CTDSPL: variants seen among roughly 807,000 people sequenced by gnomAD.
The protein encoded by CTDSPL is CTD small phosphatase-like protein.
In CTDSPL, 8 loss-of-function variants were observed where a neutral mutation model predicts 30.5. That is an observed-to-expected ratio of 0.26 (90% CI 0.15 to 0.47). CTDSPL has a LOEUF of 0.47. CTDSPL is among the 20% of genes least tolerant of loss of function. The pLI is 0.99. For synonymous variants in CTDSPL, 110 were observed against 137.9 expected (o/e 0.80, Z 1.42); for missense variants, 248 against 366.1 (o/e 0.68, Z 2.63).
At chr3:37,894,620 T>C (rs1698370809) in intron 1 of CTDSPL, among the ~76,000 whole-genome samples, 1 of 152,226 alleles carries the variant, frequency 6.6e-6, no homozygotes, top group Non-Finnish European at 1.5e-5. Flanking sequence ...TTAAAGACTT[T>C]GCAGCCATTA....
At chr3:37,922,023 G>A (rs1020116458) in intron 1 of CTDSPL, among the ~76,000 whole-genome samples, 4 of 152,152 alleles carry the variant, frequency 2.6e-5, no homozygotes, top group Non-Finnish European at 5.9e-5. Context: ...CACGAGGTCA[G>A]GAGTTCGAGA....
At chr3:37,877,124 T>C (rs896536088) in intron 1 of CTDSPL, among the ~76,000 whole-genome samples, 1 of 149,484 alleles carries the variant, frequency 6.7e-6, no homozygotes, top group Admixed American at 6.7e-5. Context: ...AAAAAAAAAA[T>C]TGATCGTCTT....
In CTDSPL at chr3:37,943,111, G is replaced by C. The variant is rs778630278; in HGVS notation, c.80-3946G>C. On this transcript the variant is annotated intron_variant, in intron 1 of 7. Coordinates refer to ENST00000273179, the MANE Select transcript of CTDSPL (RefSeq NM_001008392.2). ...AGGATATTGGTACCCTGAGTGAAGA[G>C]GGGAGTGGTGAGCCCCATTTAGATA... is the stretch of plus-strand genomic sequence containing the variant. Among the ~76,000 whole-genome samples, 8 of 150,372 alleles carry C rather than the reference G, an allele frequency of 5.3e-5. 1 individual carries two copies. Among genetic ancestry groups the C allele is most frequent in the Non-Finnish European group, 1.2e-4 (8 of 67,054 alleles).
At chr3:37,953,321 A>AG (rs2125625434) in intron 2 of CTDSPL, among the ~76,000 whole-genome samples, 1 of 152,358 alleles carries the variant, frequency 6.6e-6, no homozygotes, top group South Asian at 2.1e-4. Context: ...AGCAGAACAA[A>AG]GGAAATGTGA....
At chr3:37,960,529 TATATATACACAC>T (rs1262311178) in intron 3 of CTDSPL, among the ~76,000 whole-genome samples, 114 of 59,728 alleles carry the variant, frequency 1.9e-3, no homozygotes, top group African/African-American at 3.7e-3. Flanking sequence ...TATATATATA[TATATATACACAC>T]ACACACACAC....
At position 37,936,926 on chromosome 3, in the gene CTDSPL, C is replaced by A. The variant is rs1035551480; in HGVS notation, c.80-10131C>A. ...GCGATGGATTACCTTCTTAGTTCTG[C>A]TCTTGTGATGAGAAAGAAGCTAGTT... is the stretch of plus-strand genomic sequence containing the variant. On this transcript the variant is annotated intron_variant, in intron 1 of 7. Coordinates refer to ENST00000273179, the MANE Select transcript of CTDSPL (RefSeq NM_001008392.2). Among the ~76,000 whole-genome samples, 9 of 151,096 alleles carry A rather than the reference C, an allele frequency of 6.0e-5. No homozygotes were observed. The South Asian group carries it at 1.7e-3, about 28-fold the overall frequency.
chr3:37,973,823 A>C (rs563846200), intron 6 of CTDSPL, among the ~76,000 whole-genome samples: 16 of 152,368 alleles, frequency 1.1e-4, no homozygotes, highest in African/African-American at 3.8e-4. Flanking sequence ...CCCCTTGTGA[A>C]GCTTACATTC....
chr3:37,927,636 ATGTGTGTGTGTGTGTG>A (rs71094932), intron 1 of CTDSPL, among the ~76,000 whole-genome samples: 4 of 115,782 alleles, frequency 3.5e-5, no homozygotes, highest in South Asian at 2.8e-4. Context: ...AGAAAAATAT[ATGTGTGTGTGTGTGTG>A]TGTGTGTGTG....
intron 1 of CTDSPL, among the ~76,000 whole-genome samples, chr3:37,936,950 T>TA: frequency 7.5e-6 from 1 of 133,434 alleles, no homozygotes; most frequent in Non-Finnish European, 1.8e-5. Flanking sequence ...AAGAAGCTAG[T>TA]TTGAGGGCAG....
intron 1 of CTDSPL, among the ~76,000 whole-genome samples, chr3:37,892,468 A>G (rs1019987251): frequency 2.0e-5 from 3 of 152,218 alleles, no homozygotes; most frequent in African/African-American, 7.2e-5. Context: ...CTGTAAAGGC[A>G]TCATCACCAT....
intron 5 of CTDSPL, chr3:37,968,222 A>G (rs762014175): frequency 4.8e-5 from 22 of 462,150 alleles, no homozygotes; most frequent in Non-Finnish European, 6.8e-5. Flanking sequence ...CTAGCAGGCA[A>G]CAGGAAAATG....
chr3:37,961,645 C>T (rs1699246332), intron 3 of CTDSPL, among the ~76,000 whole-genome samples: 1 of 152,160 alleles, frequency 6.6e-6, no homozygotes, highest in African/African-American at 2.4e-5. Flanking sequence ...TTATGAAGAA[C>T]ATACAAGCAG....
intron 3 of CTDSPL, among the ~76,000 whole-genome samples, chr3:37,960,480 CAAAAAAAAAAA>C (rs1208033395): frequency 7.5e-3 from 37 of 4,910 alleles, no homozygotes; most frequent in South Asian, 0.011. Flanking sequence ...AACTCTGTCT[CAAAAAAAAAAA>C]AAAAAAAAAA....
rs1697955314 is a variant in CTDSPL, at chr3:37,862,530, TTGTG to T, written c.79+255_79+258del. Among the ~76,000 whole-genome samples, 1 of 151,902 alleles carries T rather than the reference TTGTG, an allele frequency of 6.6e-6. No individual in the cohort carries two copies. The highest frequency in any genetic ancestry group is 1.5e-5 in the Non-Finnish European group (1 of 67,956). ...TGCATCTAACCGGGAGGTTGTGAGT[TTGTG>T]TGCGCGCACGCCCGCAGAGAAGTTG... On this transcript the variant is annotated intron_variant, in intron 1 of 7. Coordinates refer to ENST00000273179, the MANE Select transcript of CTDSPL (RefSeq NM_001008392.2). The surrounding 1 kb of genome is among the most constrained non-coding windows in gnomAD (Gnocchi z 4.3).
chr3:37,876,699 T>C (rs1698138405), intron 1 of CTDSPL, among the ~76,000 whole-genome samples: 1 of 152,230 alleles, frequency 6.6e-6, no homozygotes, highest in Non-Finnish European at 1.5e-5. Flanking sequence ...TGTAATTCTG[T>C]TTACAAGTAC....
At chr3:37,890,968 G>A (rs905688121) in intron 1 of CTDSPL, among the ~76,000 whole-genome samples, 1 of 152,166 alleles carries the variant, frequency 6.6e-6, no homozygotes, top group Non-Finnish European at 1.5e-5. Context: ...GCGGAATATG[G>A]CATCAAATGA....
At chr3:37,976,915 T>C (rs1341950059) in intron 7 of CTDSPL, among the ~76,000 whole-genome samples, 1 of 152,054 alleles carries the variant, frequency 6.6e-6, no homozygotes, top group African/African-American at 2.4e-5. Context: ...ATCAGGCCCC[T>C]AGACCAGGCA....
At chr3:37,964,828 C>T (rs1699282646) in intron 4 of CTDSPL, among the ~76,000 whole-genome samples, 156 bp downstream of exon 4, 1 of 152,200 alleles carries the variant, frequency 6.6e-6, no homozygotes, top group Non-Finnish European at 1.5e-5. Flanking sequence ...CCCAGGTGAA[C>T]ATTAACTAAA....
rs1336351436 is a variant in CTDSPL at position 37,898,278 on chromosome 3, TC to T, written c.79+36001del. 1.2e-4 allele frequency among the ~76,000 whole-genome samples: 18 copies of T among 152,290 alleles called. No individual in the cohort carries two copies. The South Asian group carries it at 1.7e-3, about 14-fold the overall frequency. ...GCCCCAGTGAGAGGAGAAAGGTACT[TC>T]TTCGTGTTAGCTGGAAAATGAAGAG... On this transcript the variant is annotated intron_variant, in intron 1 of 7. Transcript: ENST00000273179.
Sources: allele counts gnomAD v4.1 joint callset (sites outside exome capture counted in the v4.1 genomes callset), GRCh38; gene constraint gnomAD v4.1.1; non-coding constraint Gnocchi (gnomAD v3.1); transcripts MANE v1.5; gene names NCBI Gene and HGNC (gene_info 2026-07-23, HGNC 2026-07-21).